PTPRO: variants seen among roughly 807,000 people sequenced by gnomAD.
PTPRO encodes the protein receptor-type tyrosine-protein phosphatase O.
PTPRO carries 62 observed loss-of-function variants against 145.2 expected under a neutral mutation model. The ratio of observed to expected loss-of-function variants is 0.43; its 90% CI spans 0.35 to 0.53. The LOEUF (loss-of-function observed/expected upper bound fraction) is 0.53, where lower values mean the gene tolerates loss of function less well. Among genes scored for constraint, PTPRO ranks in the 20% least tolerant of loss-of-function variants. PTPRO has a pLI of 0.01. For synonymous variants in PTPRO, 565 were observed against 514.7 expected (o/e 1.10, Z -1.32); for missense variants, 1,345 against 1,482.7 (o/e 0.91, Z 1.53).
At chr12:15,569,844 G>A (rs1380689218) in intron 19 of PTPRO, among the ~76,000 whole-genome samples, 2 of 152,268 alleles carry the variant, frequency 1.3e-5, no homozygotes, top group Middle Eastern at 3.4e-3. Flanking sequence ...TCCCTTTCAG[G>A]GGATTTGTAG....
At chr12:15,384,116 A>T (rs1938948623) in intron 1 of PTPRO, among the ~76,000 whole-genome samples, 1 of 151,998 alleles carries the variant, frequency 6.6e-6, no homozygotes, top group Non-Finnish European at 1.5e-5. Flanking sequence ...GGCATGTAAG[A>T]CTTCCCTTCC....
intron 7 of PTPRO, among the ~76,000 whole-genome samples, chr12:15,509,202 C>T (rs986524058): frequency 4.6e-5 from 7 of 151,936 alleles, no homozygotes; most frequent in Non-Finnish European, 8.8e-5. Flanking sequence ...AGGAGCTGAG[C>T]GTGAGTAACA....
chr12:15,353,841 T>C (rs958084328), intron 1 of PTPRO, among the ~76,000 whole-genome samples: 4 of 152,204 alleles, frequency 2.6e-5, no homozygotes, highest in African/African-American at 9.7e-5. Context: ...TGATTCTGCT[T>C]TGTTTTCAGG....
chr12:15,455,903 G>C (rs1941164984), intron 1 of PTPRO, among the ~76,000 whole-genome samples: 2 of 152,158 alleles, frequency 1.3e-5, no homozygotes, highest in South Asian at 4.1e-4. Context: ...AGTACCTAAT[G>C]TAGATGACAG....
Position 15,503,985 on chromosome 12 carries a change from A to G in PTPRO, c.1183A>G (p.Lys395Glu). 1 of 1,607,886 alleles carries G rather than the reference A, an allele frequency of 6.2e-7. No individual in the cohort carries two copies. Among genetic ancestry groups the G allele is most frequent in the Non-Finnish European group, 8.5e-7 (1 of 1,174,454 alleles). The change falls in exon 6 of 27, where the codon AAG becomes GAG. Residue 395 changes from lysine to glutamate, a missense_variant. This residue lies in a region of PTPRO where 1,130 missense variants were observed against 1,214.7 expected (regional missense o/e 0.93). Transcript: ENST00000281171. ...AGAACTGAAGGAACCTGGGAAATAT[A>G]AGTTATCTGTGACAACCTTTAGTTC... ...VAELKEPGKYKLSVTTFSSSG... is the reference protein window; with the variant it reads ...VAELKEPGKYELSVTTFSSSG...
At chr12:15,402,826 A>G (rs978004569) in intron 1 of PTPRO, among the ~76,000 whole-genome samples, 1 of 152,154 alleles carries the variant, frequency 6.6e-6, no homozygotes, top group African/African-American at 2.4e-5. Context: ...TATAAATGAT[A>G]AGCTAAGTAA....
intron 23 of PTPRO, among the ~76,000 whole-genome samples, chr12:15,583,748 A>C (rs1165472850): frequency 6.6e-6 from 1 of 152,256 alleles, no homozygotes; most frequent in East Asian, 1.9e-4. Flanking sequence ...TAAAATAGGC[A>C]ATGGAAACAA....
intron 1 of PTPRO, among the ~76,000 whole-genome samples, chr12:15,398,565 GTT>G (rs1322066477): frequency 6.6e-6 from 1 of 151,834 alleles, no homozygotes. Flanking sequence ...ACCACAGAGT[GTT>G]TTGAGAATCA....
intron 18 of PTPRO, among the ~76,000 whole-genome samples, chr12:15,566,753 T>G (rs992807459): frequency 2.6e-5 from 4 of 152,118 alleles, no homozygotes; most frequent in East Asian, 1.9e-4. Flanking sequence ...ACTCCTGACC[T>G]CATGTGATCC....
intron 1 of PTPRO, among the ~76,000 whole-genome samples, chr12:15,442,477 T>C (rs887513577): frequency 6.6e-6 from 1 of 152,082 alleles, no homozygotes; most frequent in Non-Finnish European, 1.5e-5. Context: ...TTCAACATAG[T>C]ACTGGAATTG....
At chr12:15,454,945 C>T (rs1941138205) in intron 1 of PTPRO, among the ~76,000 whole-genome samples, 1 of 152,092 alleles carries the variant, frequency 6.6e-6, no homozygotes, top group African/African-American at 2.4e-5. Flanking sequence ...GTCTATATGT[C>T]TCTATGCTAG....
At chr12:15,432,315 C>T (rs545760661) in intron 1 of PTPRO, among the ~76,000 whole-genome samples, 1 of 152,226 alleles carries the variant, frequency 6.6e-6, no homozygotes, top group Non-Finnish European at 1.5e-5. Context: ...CATGCATGTC[C>T]CTGCAAAGGA....
intron 8 of PTPRO, among the ~76,000 whole-genome samples, chr12:15,515,992 G>GTTTTTTTTTTTTTTTT (rs869246291): frequency 7.9e-6 from 1 of 126,846 alleles, no homozygotes; most frequent in Non-Finnish European, 1.6e-5. Context: ...TTTTTGTTTT[G>GTTTTTTTTTTTTTTTT]TTTTTTTTTT....
chr12:15,449,357 A>G (rs1037958011), intron 1 of PTPRO, among the ~76,000 whole-genome samples: 2 of 152,234 alleles, frequency 1.3e-5, no homozygotes, highest in Admixed American at 1.3e-4. Context: ...GTTCATCCAC[A>G]TGGACTCATA....
chr12:15,459,177 A>C (rs1812937945), intron 1 of PTPRO, among the ~76,000 whole-genome samples: 1 of 152,188 alleles, frequency 6.6e-6, no homozygotes, highest in Non-Finnish European at 1.5e-5. Context: ...TATGTGATCC[A>C]ACTCTTTTCT....
At chr12:15,560,133 T>C (rs1231676784) in intron 16 of PTPRO, 60 bp from the exon 17 acceptor site, 5 of 1,225,178 alleles carry the variant, frequency 4.1e-6, no homozygotes, top group Non-Finnish European at 4.8e-6. Context: ...ATTCACAGTT[T>C]ATATTACTAA....
intron 1 of PTPRO, among the ~76,000 whole-genome samples, chr12:15,414,615 A>T (rs1939892610): frequency 6.6e-6 from 1 of 152,186 alleles, no homozygotes; most frequent in Non-Finnish European, 1.5e-5. Flanking sequence ...GGTGTGACTC[A>T]TCTTTCTGAC....
At chr12:15,553,335 T>C (rs990872176) in intron 15 of PTPRO, among the ~76,000 whole-genome samples, 1 of 151,986 alleles carries the variant, frequency 6.6e-6, no homozygotes, top group Non-Finnish European at 1.5e-5. Context: ...CAAGGTCAGG[T>C]AAGGGAGATA....
chr12:15,556,091 A>G (rs749758026), intron 15 of PTPRO, among the ~76,000 whole-genome samples: 3 of 152,218 alleles, frequency 2.0e-5, no homozygotes, highest in Non-Finnish European at 4.4e-5. Flanking sequence ...CAGGTTGTGA[A>G]AATAAATATG....
Sources: gnomAD v4.1 joint callset for allele counts (sites outside exome capture counted in the v4.1 genomes callset) on GRCh38, gnomAD v4.1.1 for gene constraint, gnomAD v4.1.1 regional missense constraint, MANE v1.5 for transcripts, NCBI Gene and HGNC (gene_info 2026-07-23, HGNC 2026-07-21) for gene names.